KCNMA1: variants seen among roughly 807,000 people sequenced by gnomAD.
KCNMA1 encodes Calcium-activated potassium channel subunit alpha-1.
Under a neutral mutation model 140.0 loss-of-function variants are expected in KCNMA1, and 29 were observed. The ratio of observed to expected loss-of-function variants is 0.21; its 90% CI spans 0.15 to 0.28. The LOEUF is 0.28. KCNMA1 is among the 10% of genes least tolerant of loss of function. KCNMA1 has a pLI of 1.00. For synonymous variants in KCNMA1, 612 were observed against 611.9 expected, an observed-to-expected ratio of 1.00 and a Z score of 0.00; for missense variants, 880 against 1,602.2, an observed-to-expected ratio of 0.55 and a Z score of 7.70.
At chr10:77,124,593 G>A (rs1340924153) in intron 5 of KCNMA1, among the ~76,000 whole-genome samples, 2 of 152,166 alleles carry the variant, frequency 1.3e-5, no homozygotes, top group African/African-American at 2.4e-5. Context: ...AAGGGACCCA[G>A]GGTGATGCAG....
At chr10:76,962,773 G>T (rs543723588) in intron 20 of KCNMA1, among the ~76,000 whole-genome samples, 3 of 152,304 alleles carry the variant, frequency 2.0e-5, no homozygotes, top group Non-Finnish European at 2.9e-5. Context: ...AGCAGAGGAT[G>T]CAATCAAACT....
At chr10:77,486,143 G>A (rs78194452) in intron 1 of KCNMA1, among the ~76,000 whole-genome samples, 6,336 of 152,236 alleles carry the variant, frequency 0.042, 469 homozygotes, top group African/African-American at 0.15. Flanking sequence ...GCTGGAAAGA[G>A]GACATAATGT....
chr10:76,886,034 C>A lies in KCNMA1; in HGVS notation c.*1232G>T, dbSNP rs2036752941. On this transcript the variant is annotated 3_prime_UTR_variant, in exon 28 of 28. Coordinates refer to ENST00000286628, the MANE Select transcript of KCNMA1 (RefSeq NM_001161352.2). The stretch of plus-strand genomic sequence containing the variant: ...CACCAGCTTTCTGCATTGGGACAGC[C>A]AGCACCGCACAGCTGTGCCAACAGT... 1 of 985,290 alleles carries A rather than the reference C, an allele frequency of 1.0e-6. No individual in the cohort carries two copies. The highest frequency in any genetic ancestry group is 4.7e-5 in the South Asian group (1 of 21,282). 61.0% of individuals were successfully genotyped at this position (985,290 alleles called of 1,614,324 possible). A position where few individuals can be genotyped will look rare whatever the true frequency, so the allele number is the denominator to read the frequency against.
intron 9 of KCNMA1, chr10:77,092,209 A>G (rs1323476071): frequency 1.3e-5 from 2 of 152,244 alleles, no homozygotes; most frequent in Non-Finnish European, 2.9e-5. Context: ...ACAGTGTGAC[A>G]CACAGTGTAT....
chr10:76,987,462 TGGG>T (rs2153276351), intron 19 of KCNMA1, among the ~76,000 whole-genome samples: 1 of 152,340 alleles, frequency 6.6e-6, no homozygotes, highest in Admixed American at 6.5e-5. Flanking sequence ...TTGAGCTTTC[TGGG>T]CCATACCCTT....
chr10:77,538,212 A>G (rs1292821099), intron 1 of KCNMA1, among the ~76,000 whole-genome samples: 3 of 151,856 alleles, frequency 2.0e-5, no homozygotes, highest in African/African-American at 7.3e-5. Flanking sequence ...ACATACTCTC[A>G]TATTCACATA....
intron 5 of KCNMA1, among the ~76,000 whole-genome samples, chr10:77,181,847 G>C (rs541291714): frequency 6.6e-6 from 1 of 152,222 alleles, no homozygotes; most frequent in Non-Finnish European, 1.5e-5. Context: ...CTTTTCCTTA[G>C]AGCAAGAGAA....
At chr10:77,110,622 C>T (rs1369148233) in intron 7 of KCNMA1, among the ~76,000 whole-genome samples, 2 of 152,184 alleles carry the variant, frequency 1.3e-5, no homozygotes, top group Non-Finnish European at 2.9e-5. Flanking sequence ...CTTTTCTCTT[C>T]TTCTGGTAAA....
intron 1 of KCNMA1, among the ~76,000 whole-genome samples, chr10:77,496,713 G>A (rs2042095830): frequency 6.6e-6 from 1 of 150,852 alleles, no homozygotes; most frequent in Non-Finnish European, 1.5e-5. Context: ...ACATCACTGT[G>A]AGGGAGCTAT....
chr10:77,079,670 G>T, intron 12 of KCNMA1, 120 bp from the exon 13 acceptor site: 1 of 742,862 alleles, frequency 1.3e-6, no homozygotes, highest in Non-Finnish European at 2.4e-6. Flanking sequence ...GGCAGGACTT[G>T]ATTCCAGAGG....
intron 15 of KCNMA1, among the ~76,000 whole-genome samples, chr10:77,038,544 T>A (rs1314246865): frequency 6.6e-6 from 1 of 152,030 alleles, no homozygotes; most frequent in Non-Finnish European, 1.5e-5. Flanking sequence ...TCTGAGATTT[T>A]TTATTATTAT....
At chr10:77,581,789 G>T (rs946184969) in intron 1 of KCNMA1, among the ~76,000 whole-genome samples, 3 of 152,232 alleles carry the variant, frequency 2.0e-5, no homozygotes, top group African/African-American at 7.2e-5. Flanking sequence ...GCAGGTGGTG[G>T]CCTTAGAAGG....
At chr10:77,128,202 AAAG>A (rs1443144591) in intron 5 of KCNMA1, among the ~76,000 whole-genome samples, 1 of 152,020 alleles carries the variant, frequency 6.6e-6, no homozygotes, top group Non-Finnish European at 1.5e-5. Context: ...GTTCTCATAT[AAAG>A]AAGATTTTGT....
chr10:77,597,753 T>C (rs2081351985), intron 1 of KCNMA1, among the ~76,000 whole-genome samples: 1 of 152,168 alleles, frequency 6.6e-6, no homozygotes, highest in African/African-American at 2.4e-5. Flanking sequence ...CCAGGGCCTT[T>C]GCACTTACCC....
intron 2 of KCNMA1, among the ~76,000 whole-genome samples, chr10:77,304,082 G>A (rs1223057941): frequency 1.3e-5 from 2 of 152,118 alleles, no homozygotes; most frequent in African/African-American, 4.8e-5. Context: ...TGGGCCATAA[G>A]AACCACAATG....
rs557863631 is a variant in KCNMA1 at position 77,620,993 on chromosome 10, C to T, written c.378+16272G>A. Among the ~76,000 whole-genome samples the T allele has an allele frequency of 3.3e-5, 5 of 152,230 alleles. No homozygotes were observed. In the East Asian group the frequency reaches 5.8e-4, roughly 18 times the overall value. On this transcript the variant is annotated intron_variant, in intron 1 of 27. Transcript: ENST00000286628. ...GATGTCTTACATGACCCCATATCCC[C>T]GGGAAAAGGCCAGCCATGCTAATAA...
chr10:76,899,777 T>C (rs1257152194), intron 25 of KCNMA1, among the ~76,000 whole-genome samples: 1 of 152,170 alleles, frequency 6.6e-6, no homozygotes, highest in Non-Finnish European at 1.5e-5. Context: ...TTCAACAATA[T>C]GGTAATGATT....
intron 23 of KCNMA1, chr10:76,938,974 A>G (rs1385483805): frequency 2.0e-5 from 3 of 152,162 alleles, no homozygotes; most frequent in Non-Finnish European, 4.4e-5. Flanking sequence ...GCACCATCCA[A>G]TATGGTAGCC....
intron 2 of KCNMA1, among the ~76,000 whole-genome samples, chr10:77,373,217 G>A (rs1223910666): frequency 1.3e-5 from 2 of 152,206 alleles, no homozygotes; most frequent in African/African-American, 4.8e-5. Flanking sequence ...TGAGCTAAAT[G>A]CATTTTTGAC....
Sources: allele counts gnomAD v4.1 joint callset (sites outside exome capture counted in the v4.1 genomes callset), GRCh38; gene constraint gnomAD v4.1.1; transcripts MANE v1.5; gene names NCBI Gene and HGNC (gene_info 2026-07-23, HGNC 2026-07-21).